The following ZMAT4 variants were observed in gnomAD, a reference collection of about 807,000 sequenced individuals.
The protein encoded by ZMAT4 is zinc finger matrin-type 4.
ZMAT4 carries 17 observed loss-of-function variants against 28.7 expected under a neutral mutation model. That is an observed-to-expected ratio of 0.59 (90% CI 0.41 to 0.89). The LOEUF (loss-of-function observed/expected upper bound fraction) is 0.89. Among genes scored for constraint, ZMAT4 ranks in the 40% least tolerant of loss-of-function variants. The probability of loss-of-function intolerance (pLI) is 0.00; values close to 1 mark genes in which losing one functional copy is unlikely to be tolerated. For missense variants in ZMAT4, 240 were observed against 283.8 expected, an observed-to-expected ratio of 0.85 and a Z score of 1.11; for synonymous variants, 117 against 109.2, an observed-to-expected ratio of 1.07 and a Z score of -0.44.
rs958977561 is a variant in ZMAT4 at position 40,588,110 on chromosome 8, A to G, written c.578-6849T>C. ...AGCTTAAGAGTGCCTTCCAATGCAC[A>G]TCAATAATAACATTGACTATATATT... On this transcript the variant is annotated intron_variant, in intron 5 of 6. Coordinates refer to ENST00000297737, the MANE Select transcript of ZMAT4 (RefSeq NM_024645.3). Among the ~76,000 whole-genome samples the G allele has an allele frequency of 2.6e-5, 4 of 152,056 alleles. No homozygotes were observed. In the South Asian group the frequency reaches 8.3e-4, roughly 32 times the overall value.
At chr8:40,820,206 G>A (rs946809249) in intron 2 of ZMAT4, among the ~76,000 whole-genome samples, 6 of 151,072 alleles carry the variant, frequency 4.0e-5, no homozygotes, top group African/African-American at 1.5e-4. Flanking sequence ...GTATGTGTGT[G>A]TTTATGTGTG....
chr8:40,751,468 G>T (rs893390625), intron 3 of ZMAT4, among the ~76,000 whole-genome samples: 6 of 152,016 alleles, frequency 3.9e-5, no homozygotes, highest in Admixed American at 6.6e-5. Context: ...GCACCAAGGG[G>T]ATGGTGCAGT....
chr8:40,537,222 T>C (rs1044927734), intron 6 of ZMAT4, among the ~76,000 whole-genome samples: 1 of 152,168 alleles, frequency 6.6e-6, no homozygotes, highest in African/African-American at 2.4e-5. Flanking sequence ...TAGACTTTTT[T>C]GGGTAGTCCT....
chr8:40,706,154 G>A (rs964365514), intron 3 of ZMAT4, among the ~76,000 whole-genome samples: 1 of 152,098 alleles, frequency 6.6e-6, no homozygotes, highest in African/African-American at 2.4e-5. Context: ...CCAGATTCAA[G>A]CGATTCTCCT....
At chr8:40,843,007 C>A (rs1403636022) in intron 1 of ZMAT4, among the ~76,000 whole-genome samples, 1 of 152,130 alleles carries the variant, frequency 6.6e-6, no homozygotes, top group Non-Finnish European at 1.5e-5. Context: ...GAACTCCAGA[C>A]CTCAGGTGAT....
chr8:40,762,185 T>C (rs1471571696), intron 3 of ZMAT4, among the ~76,000 whole-genome samples: 1 of 152,212 alleles, frequency 6.6e-6, no homozygotes, highest in Non-Finnish European at 1.5e-5. Flanking sequence ...TCTGCCATAG[T>C]ACTAAGTGAA....
chr8:40,829,208 A>G (rs1302499652), intron 1 of ZMAT4, among the ~76,000 whole-genome samples: 2 of 152,224 alleles, frequency 1.3e-5, no homozygotes, highest in African/African-American at 4.8e-5. Flanking sequence ...CCTGGGTCTG[A>G]AACAGATCTG....
At chr8:40,705,864 A>G (rs1452009354) in intron 3 of ZMAT4, among the ~76,000 whole-genome samples, 2 of 152,164 alleles carry the variant, frequency 1.3e-5, no homozygotes. Flanking sequence ...CATAAAAATT[A>G]TTAATGAGGT....
intron 6 of ZMAT4, among the ~76,000 whole-genome samples, chr8:40,566,395 A>G (rs993732786): frequency 2.0e-5 from 3 of 152,134 alleles, no homozygotes; most frequent in Admixed American, 6.6e-5. Context: ...TTTTCCGGAC[A>G]TGTGGGTGTG....
intron 6 of ZMAT4, among the ~76,000 whole-genome samples, chr8:40,557,291 G>T (rs1312860996): frequency 1.3e-5 from 2 of 152,070 alleles, no homozygotes; most frequent in Non-Finnish European, 2.9e-5. Context: ...ATACTCTTCA[G>T]CCATAAAAAG....
At chr8:40,791,538 T>A (rs1466585914) in intron 2 of ZMAT4, among the ~76,000 whole-genome samples, 1 of 152,226 alleles carries the variant, frequency 6.6e-6, no homozygotes, top group Non-Finnish European at 1.5e-5. Flanking sequence ...ACACAGGTCC[T>A]TCGCCCTGGC....
chr8:40,805,435 C>T (rs1368092346), intron 2 of ZMAT4, among the ~76,000 whole-genome samples: 2 of 149,858 alleles, frequency 1.3e-5, no homozygotes, highest in Admixed American at 6.7e-5. Context: ...CATCCCATTA[C>T]TGGGTATATA....
intron 3 of ZMAT4, among the ~76,000 whole-genome samples, chr8:40,703,657 G>A (rs112062450): frequency 5.9e-5 from 9 of 152,242 alleles, no homozygotes; most frequent in African/African-American, 1.9e-4. Flanking sequence ...CAAGGTTACT[G>A]TAGATCTGGC....
At chr8:40,579,935 A>G (rs575330629) in intron 6 of ZMAT4, among the ~76,000 whole-genome samples, 1 of 151,914 alleles carries the variant, frequency 6.6e-6, no homozygotes, top group East Asian at 1.9e-4. Context: ...ACGTGGCATT[A>G]GAGAACAATC....
intron 2 of ZMAT4, among the ~76,000 whole-genome samples, chr8:40,806,008 C>G (rs962361781): frequency 6.6e-6 from 1 of 151,798 alleles, no homozygotes; most frequent in Non-Finnish European, 1.5e-5. Context: ...GAAAAAATAA[C>G]AATAATCTCA....
At chr8:40,595,028 G>A (rs1402030452) in intron 5 of ZMAT4, among the ~76,000 whole-genome samples, 1 of 152,148 alleles carries the variant, frequency 6.6e-6, no homozygotes, top group South Asian at 2.1e-4. Context: ...AGTGATTGAG[G>A]TTATTAAATG....
chr8:40,897,805 T>TTCGGCAGC lies in ZMAT4; in HGVS notation c.-135_-128dup, dbSNP rs1471823068. 1 of 152,228 alleles carries TTCGGCAGC rather than the reference T, an allele frequency of 6.6e-6. No individual in the cohort carries two copies. Among genetic ancestry groups the TTCGGCAGC allele is most frequent in the Non-Finnish European group, 1.5e-5 (1 of 68,070 alleles). The allele number at this position is 152,228 out of a possible 1,614,324, so 9.4% of individuals were successfully genotyped here. A position where few individuals can be genotyped will look rare whatever the true frequency, so the allele number is the denominator to read the frequency against. On this transcript the variant is annotated 5_prime_UTR_variant, in exon 1 of 7. Coordinates refer to ENST00000297737, the MANE Select transcript of ZMAT4 (RefSeq NM_024645.3). Reference sequence around the variant, plus strand: ...CGTTCCTGTCTCTGCGACCAGACCTTTCGGCAGCTCGGACCAACTGTGCTA... The same window carrying TTCGGCAGC: ...CGTTCCTGTCTCTGCGACCAGACCTTTCGGCAGCTCGGCAGCTCGGACCAACTGTGCTA...
At chr8:40,585,468 A>G (rs1234925044) in intron 5 of ZMAT4, among the ~76,000 whole-genome samples, 1 of 152,130 alleles carries the variant, frequency 6.6e-6, no homozygotes, top group Non-Finnish European at 1.5e-5. Flanking sequence ...GAAATGTACA[A>G]GAAGTTTCAG....
At chr8:40,674,660 T>C (rs763549344) in intron 5 of ZMAT4, 44 bp downstream of exon 5, 1 of 1,525,306 alleles carries the variant, frequency 6.6e-7, no homozygotes, top group Non-Finnish European at 9.1e-7. Context: ...ATCTTTTCTC[T>C]GAAAGCCCAG....
Sources: allele counts gnomAD v4.1 joint callset (sites outside exome capture counted in the v4.1 genomes callset), GRCh38; gene constraint gnomAD v4.1.1; transcripts MANE v1.5; gene names NCBI Gene and HGNC (gene_info 2026-07-23, HGNC 2026-07-21).